The following BANP variants were observed in gnomAD, a reference collection of about 807,000 sequenced individuals.
The protein encoded by BANP is protein BANP.
BANP carries 11 observed loss-of-function variants against 68.1 expected under a neutral mutation model. The observed-to-expected ratio is 0.16, with a 90% CI of 0.10 to 0.27. The LOEUF is 0.27. Ranked by LOEUF, BANP falls within the 10% of genes least tolerant of loss-of-function variation. The pLI, the probability that BANP is intolerant of heterozygous loss-of-function variation, is 1.00. For missense variants in BANP, 504 were observed against 722.7 expected, an observed-to-expected ratio of 0.70 and a Z score of 3.47; for synonymous variants, 329 against 303.2, an observed-to-expected ratio of 1.09 and a Z score of -0.88.
intron 11 of BANP, among the ~76,000 whole-genome samples, chr16:88,038,862 C>G (rs1304994430): frequency 6.6e-6 from 1 of 152,170 alleles, no homozygotes; most frequent in Non-Finnish European, 1.5e-5. Context: ...AAAACAGAAG[C>G]TGGGAAGTTG....
In BANP at chr16:88,071,956, C is replaced by T. The variant is rs1007993658; in HGVS notation, c.1378-113C>T. 1.4e-5 allele frequency: 19 copies of T among 1,405,482 alleles called. No homozygotes were observed. The highest frequency in any genetic ancestry group is 7.5e-5 in the East Asian group (3 of 40,180). 87.1% of individuals were successfully genotyped at this position (1,405,482 alleles called of 1,614,324 possible). Reference sequence around the variant, plus strand: ...TGTGGCCCTGAGGCCGTGTCCCTGCCGCTCAGGGGACAGCACGTGTGGGCT... The same window carrying T: ...TGTGGCCCTGAGGCCGTGTCCCTGCTGCTCAGGGGACAGCACGTGTGGGCT... On this transcript the variant is annotated intron_variant, in intron 12 of 13. Coordinates refer to ENST00000682872, the MANE Select transcript of BANP (RefSeq NM_001386991.1). This position sits in a 1 kb window ranked among gnomAD's most constrained non-coding sequence, Gnocchi z 6.5.
chr16:88,047,228 C>T (rs552831762), intron 11 of BANP, among the ~76,000 whole-genome samples: 3 of 152,186 alleles, frequency 2.0e-5, no homozygotes, highest in African/African-American at 7.2e-5. Flanking sequence ...ATGCGGGTCA[C>T]GTAACGCAGG....
intron 1 of BANP, chr16:87,952,280 G>C (rs982967944): frequency 6.6e-6 from 1 of 152,292 alleles, no homozygotes; most frequent in African/African-American, 2.4e-5. Context: ...GATGGTAGGG[G>C]TTGTCTTGCT....
chr16:87,988,207 A>C (rs750068412), intron 4 of BANP, among the ~76,000 whole-genome samples: 1 of 152,230 alleles, frequency 6.6e-6, no homozygotes, highest in Non-Finnish European at 1.5e-5. Flanking sequence ...AAAAGTCTCC[A>C]AAGTTAAAAA....
At chr16:87,964,731 G>T (rs888395701) in intron 1 of BANP, among the ~76,000 whole-genome samples, 1 of 152,238 alleles carries the variant, frequency 6.6e-6, no homozygotes, top group African/African-American at 2.4e-5. Context: ...AGGTCTGAGG[G>T]GCGGCCTGGG....
chr16:88,007,736 C>T (rs991577472), intron 6 of BANP, among the ~76,000 whole-genome samples: 7 of 152,170 alleles, frequency 4.6e-5, no homozygotes, highest in African/African-American at 1.4e-4. Flanking sequence ...GACTCATTAC[C>T]GTATCTGAAA....
In BANP at chr16:87,969,396, C is replaced by T. The variant is rs1337474743; in HGVS notation, c.-68-5652C>T. On this transcript the variant is annotated intron_variant, in intron 1 of 13. Transcript: ENST00000682872. ...TCAAAGAGGTTGTACCCATTTACAC[C>T]CCCAGCAAAAGCGCAACAGCCATGT... Among the ~76,000 whole-genome samples the T allele has an allele frequency of 9.9e-5, 15 of 152,250 alleles. No homozygotes were observed. In the East Asian group the frequency reaches 2.9e-3, roughly 29 times the overall value.
chr16:87,987,939 T>G (rs1486417411), intron 4 of BANP, among the ~76,000 whole-genome samples: 7 of 151,874 alleles, frequency 4.6e-5, no homozygotes, highest in Non-Finnish European at 8.8e-5. Context: ...CTAATTTTTG[T>G]TTTTGATAGA....
intron 1 of BANP, among the ~76,000 whole-genome samples, chr16:87,953,434 C>T (rs902652087): frequency 1.3e-5 from 2 of 152,100 alleles, no homozygotes; most frequent in African/African-American, 4.8e-5. Flanking sequence ...TACTCGAACT[C>T]CTGAGCTCAA....
chr16:87,988,950 G>A (rs1158414312), intron 4 of BANP, among the ~76,000 whole-genome samples: 1 of 152,194 alleles, frequency 6.6e-6, no homozygotes, highest in East Asian at 1.9e-4. Flanking sequence ...AAAACTGACT[G>A]GTCTGTACTA....
chr16:87,990,527 T>G (rs1300334222), intron 4 of BANP, among the ~76,000 whole-genome samples: 1 of 152,238 alleles, frequency 6.6e-6, no homozygotes, highest in Non-Finnish European at 1.5e-5. Flanking sequence ...TTTTCAGTTT[T>G]GGGTCATTGA....
intron 12 of BANP, among the ~76,000 whole-genome samples, chr16:88,070,143 CA>C (rs1421566609): frequency 6.6e-6 from 1 of 152,214 alleles, no homozygotes; most frequent in African/African-American, 2.4e-5. Context: ...TGATGGTACA[CA>C]CAGCACACAA....
At chr16:88,060,094 C>T (rs549883987) in intron 11 of BANP, among the ~76,000 whole-genome samples, 83 of 152,336 alleles carry the variant, frequency 5.4e-4, no homozygotes, top group Admixed American at 2.6e-3. Flanking sequence ...CTGCTGTGGC[C>T]GAAGGTGCCG....
chr16:87,970,805 G>T (rs2060964211), intron 1 of BANP, among the ~76,000 whole-genome samples: 1 of 152,052 alleles, frequency 6.6e-6, no homozygotes, highest in Non-Finnish European at 1.5e-5. Context: ...AATCACCTGA[G>T]GTCGGGAGTT....
At chr16:88,052,707 C>T (rs1037319946) in intron 11 of BANP, among the ~76,000 whole-genome samples, 7 of 152,052 alleles carry the variant, frequency 4.6e-5, no homozygotes. Flanking sequence ...CTATCATCTC[C>T]ATCATCATCA....
chr16:88,056,034 GC>G (rs2152847395), intron 11 of BANP, among the ~76,000 whole-genome samples: 1 of 152,316 alleles, frequency 6.6e-6, no homozygotes, highest in Admixed American at 6.5e-5. Flanking sequence ...TTGCTGGGGG[GC>G]TCAGGCCCAC....
chr16:88,006,739 G>A (rs1014013075), intron 6 of BANP, among the ~76,000 whole-genome samples: 3 of 151,162 alleles, frequency 2.0e-5, no homozygotes, highest in African/African-American at 7.3e-5. Context: ...GGATCATGAG[G>A]TCAGGAGTTC....
intron 4 of BANP, among the ~76,000 whole-genome samples, chr16:87,985,332 G>A (rs1286066510): frequency 6.6e-6 from 1 of 152,198 alleles, no homozygotes; most frequent in Non-Finnish European, 1.5e-5. Context: ...GCAGGCGGGA[G>A]CTGGGGATCG....
chr16:88,075,123 A>G (rs1251377775), intron 13 of BANP, among the ~76,000 whole-genome samples: 4 of 152,172 alleles, frequency 2.6e-5, no homozygotes, highest in African/African-American at 9.7e-5. Context: ...AGGCAGGCCA[A>G]TCACCTGAGG....
Sources: gnomAD v4.1 joint callset for allele counts (sites outside exome capture counted in the v4.1 genomes callset) on GRCh38, gnomAD v4.1.1 for gene constraint, Gnocchi (gnomAD v3.1) non-coding constraint, MANE v1.5 for transcripts, NCBI Gene and HGNC (gene_info 2026-07-23, HGNC 2026-07-21) for gene names.